PTPRK: variants seen among roughly 807,000 people sequenced by gnomAD.
PTPRK encodes protein tyrosine phosphatase receptor type K.
In PTPRK, 75 loss-of-function variants were observed where a neutral mutation model predicts 178.0. The ratio of observed to expected loss-of-function variants is 0.42; its 90% CI spans 0.35 to 0.51. PTPRK has a LOEUF of 0.51. Among genes scored for constraint, PTPRK ranks in the 20% least tolerant of loss-of-function variants. PTPRK has a pLI of 0.02. For synonymous variants in PTPRK, 637 were observed against 620.6 expected (o/e 1.03, Z -0.39); for missense variants, 1,441 against 1,797.8 (o/e 0.80, Z 3.59).
intron 24 of PTPRK, 119 bp downstream of exon 24, chr6:127,982,712 G>C: frequency 1.3e-6 from 1 of 795,284 alleles, no homozygotes; most frequent in African/African-American, 1.7e-5. Context: ...GATACGTATT[G>C]TATTTAAAAC....
At chr6:128,293,153 G>T (rs1468004937) in intron 3 of PTPRK, among the ~76,000 whole-genome samples, 1 of 152,004 alleles carries the variant, frequency 6.6e-6, no homozygotes, top group Non-Finnish European at 1.5e-5. Context: ...ATAAGTGGAG[G>T]TAGCCATTGT....
At chr6:128,329,701 G>A (rs1383550888) in intron 2 of PTPRK, among the ~76,000 whole-genome samples, 1 of 151,732 alleles carries the variant, frequency 6.6e-6, no homozygotes, top group East Asian at 2.0e-4. Context: ...TCAAGCGATT[G>A]GATGAGGCCC....
chr6:128,176,133 C>T (rs1197081390), intron 7 of PTPRK, among the ~76,000 whole-genome samples: 1 of 151,756 alleles, frequency 6.6e-6, no homozygotes, highest in Non-Finnish European at 1.5e-5. Context: ...ATTAATTCCT[C>T]TTAAAAGGAG....
rs750453691 is a variant in PTPRK at position 127,981,305 on chromosome 6, A to G, written c.3538-16T>C. The G allele has an allele frequency of 6.2e-7, 1 of 1,606,722 alleles. No homozygotes were observed. Among genetic ancestry groups the G allele is most frequent in the East Asian group, 2.2e-5 (1 of 44,752 alleles). On this transcript the variant is annotated splice_polypyrimidine_tract_variant and intron_variant, in intron 24 of 29. Transcript: ENST00000368226. The stretch of plus-strand genomic sequence containing the variant: ...AATTCAGAGTCTAAAAAGAAAAGAG[A>G]ACCCAGGTTAAAAGACAGTGTGACC...
intron 1 of PTPRK, among the ~76,000 whole-genome samples, chr6:128,501,453 C>T (rs1253519071): frequency 6.6e-6 from 1 of 151,764 alleles, no homozygotes; most frequent in African/African-American, 2.4e-5. Context: ...ACATATACAA[C>T]ATATTCACAA....
chr6:128,321,886 A>G (rs956993911), intron 3 of PTPRK, 153 bp downstream of exon 3: 2 of 932,540 alleles, frequency 2.1e-6, no homozygotes, highest in Non-Finnish European at 3.4e-6. Flanking sequence ...ATGCATATGT[A>G]TATCTATGTA....
chr6:128,281,069 T>C (rs532931123), intron 3 of PTPRK, among the ~76,000 whole-genome samples: 320 of 152,276 alleles, frequency 2.1e-3, no homozygotes, highest in African/African-American at 6.9e-3. Flanking sequence ...CATTGGGTCA[T>C]ATTATAGCAC....
At chr6:128,178,311 A>C (rs542734149) in intron 7 of PTPRK, among the ~76,000 whole-genome samples, 31 of 152,030 alleles carry the variant, frequency 2.0e-4, no homozygotes, top group African/African-American at 7.5e-4. Flanking sequence ...TATCTTCTGC[A>C]GTCCTGCGTG....
chr6:128,224,924 T>C (rs1811022522), intron 5 of PTPRK, among the ~76,000 whole-genome samples: 1 of 152,194 alleles, frequency 6.6e-6, no homozygotes, highest in African/African-American at 2.4e-5. Flanking sequence ...ATCAAATCTC[T>C]GAAATGACAC....
rs568243175 is a variant in PTPRK at position 128,403,618 on chromosome 6, T to C, written c.101-5930A>G. 1.9e-4 allele frequency among the ~76,000 whole-genome samples: 29 copies of C among 152,264 alleles called. No individual in the cohort carries two copies. In the South Asian group the frequency reaches 5.8e-3, roughly 30 times the overall value. Reference sequence around the variant, plus strand: ...AAAAAAGCATCCTTATTTTTTCATGTTTTATTCTTCCCAGTTTATTCTCTA... The same window carrying C: ...AAAAAAGCATCCTTATTTTTTCATGCTTTATTCTTCCCAGTTTATTCTCTA... On this transcript the variant is annotated intron_variant, in intron 1 of 29. Coordinates refer to ENST00000368226, the MANE Select transcript of PTPRK (RefSeq NM_002844.4).
chr6:128,457,538 A>G lies in PTPRK; in HGVS notation c.101-59850T>C, dbSNP rs1051286226. On this transcript the variant is annotated intron_variant, in intron 1 of 29. Transcript: ENST00000368226. ...TGGCTAAGTAATCATATAGCTAATC[A>G]CTTGCAATAAATTTTTGCCAGGTCC... Among the ~76,000 whole-genome samples the G allele has an allele frequency of 2.0e-5, 3 of 152,100 alleles. No homozygotes were observed. In the South Asian group the frequency reaches 6.2e-4, roughly 32 times the overall value.
At chr6:128,102,009 TCCATTCATTTGGGTGTTTGGGC>T (rs1376712232) in intron 7 of PTPRK, among the ~76,000 whole-genome samples, 3 of 152,190 alleles carry the variant, frequency 2.0e-5, no homozygotes, top group Non-Finnish European at 2.9e-5. Context: ...CATCATGTCT[TCCATTCATTTGGGTGTTTGGGC>T]CTCCTATATT....
At chr6:128,072,089 T>C (rs1405982941) in intron 11 of PTPRK, among the ~76,000 whole-genome samples, 1 of 152,042 alleles carries the variant, frequency 6.6e-6, no homozygotes, top group Non-Finnish European at 1.5e-5. Context: ...TAATTAAAAC[T>C]ATTCCAAAGT....
At chr6:128,464,655 A>ATG (rs1554271932) in intron 1 of PTPRK, among the ~76,000 whole-genome samples, 38 of 105,858 alleles carry the variant, frequency 3.6e-4, no homozygotes, top group East Asian at 1.6e-3. Context: ...ATATATATAT[A>ATG]TATATATATA....
chr6:128,147,355 A>G (rs528527926), intron 7 of PTPRK, among the ~76,000 whole-genome samples: 1 of 152,304 alleles, frequency 6.6e-6, no homozygotes, highest in East Asian at 1.9e-4. Context: ...TTATGGTTTC[A>G]GAAAAACTAT....
chr6:128,426,214 C>A (rs1554260650), intron 1 of PTPRK, among the ~76,000 whole-genome samples: 2 of 152,148 alleles, frequency 1.3e-5, no homozygotes, highest in Non-Finnish European at 2.9e-5. Flanking sequence ...TTGAGGATGC[C>A]TTTCCCTTAT....
chr6:128,440,870 T>TA (rs537073712), intron 1 of PTPRK, among the ~76,000 whole-genome samples: 26 of 149,614 alleles, frequency 1.7e-4, no homozygotes, highest in African/African-American at 3.4e-4. Flanking sequence ...CTTTTGCTAT[T>TA]AAAAAAAAAA....
At chr6:128,213,169 A>G (rs1374860699) in intron 6 of PTPRK, among the ~76,000 whole-genome samples, 1 of 152,074 alleles carries the variant, frequency 6.6e-6, no homozygotes, top group Non-Finnish European at 1.5e-5. Flanking sequence ...GCACCAAAAT[A>G]TACTATCTGA....
At chr6:128,260,868 C>T (rs1367836221) in intron 3 of PTPRK, among the ~76,000 whole-genome samples, 1 of 152,136 alleles carries the variant, frequency 6.6e-6, no homozygotes, top group Non-Finnish European at 1.5e-5. Flanking sequence ...AAAAATACTG[C>T]TTTAGCAAGC....
Sources: gnomAD v4.1 joint callset for allele counts (sites outside exome capture counted in the v4.1 genomes callset) on GRCh38, gnomAD v4.1.1 for gene constraint, MANE v1.5 for transcripts, NCBI Gene and HGNC (gene_info 2026-07-23, HGNC 2026-07-21) for gene names.